The following FBXL17 variants were observed in gnomAD, a reference collection of about 807,000 sequenced individuals.
The protein encoded by FBXL17 is F-box/LRR-repeat protein 17.
In FBXL17, 22 loss-of-function variants were observed where a neutral mutation model predicts 66.2. The observed-to-expected ratio is 0.33, with a 90% CI of 0.24 to 0.47. The LOEUF (loss-of-function observed/expected upper bound fraction) is 0.47. FBXL17 is among the 20% of genes least tolerant of loss of function. The pLI is 1.00. For synonymous variants in FBXL17, 474 were observed against 400.5 expected, an observed-to-expected ratio of 1.18 and a Z score of -2.19; for missense variants, 878 against 948.2, an observed-to-expected ratio of 0.93 and a Z score of 0.97.
rs371855541 is a variant in FBXL17 at position 108,194,516 on chromosome 5, TACA to T, written c.1615-8272_1615-8270del. Among the ~76,000 whole-genome samples, 156 of 152,328 alleles carry T rather than the reference TACA, an allele frequency of 1.0e-3. 4 individuals are homozygous for T. The South Asian group carries it at 0.032, about 31-fold the overall frequency. On this transcript the variant is annotated intron_variant, in intron 5 of 8. Transcript: ENST00000542267. Reference sequence around the variant, plus strand: ...CCAGGTAACAATCTTTCCTTCCTGCTACAACTACTTAGGAATGCCCTCTTTGAC... The same window carrying T: ...CCAGGTAACAATCTTTCCTTCCTGCTACTACTTAGGAATGCCCTCTTTGAC...
intron 6 of FBXL17, among the ~76,000 whole-genome samples, chr5:108,168,176 AAAGTC>A (rs148859018): frequency 0.26 from 39,242 of 151,944 alleles, 6,021 homozygotes; most frequent in Middle Eastern, 0.37. Context: ...CTTAAAATAG[AAAGTC>A]AAAAGTTGTT....
chr5:108,313,241 G>C (rs968300973), intron 4 of FBXL17, among the ~76,000 whole-genome samples: 1 of 152,048 alleles, frequency 6.6e-6, no homozygotes, highest in Non-Finnish European at 1.5e-5. Flanking sequence ...TCTATTCAGA[G>C]AAGTACCAGT....
rs189741640 is a variant in FBXL17 at position 107,891,110 on chromosome 5, A to G, written c.1823-9931T>C. ...AAGTCTGCTAGGGAAGGCCTCACGAAGAAAGTGACATTTGACAAAAACCTG... is the reference window on the plus strand; with the variant it reads ...AAGTCTGCTAGGGAAGGCCTCACGAGGAAAGTGACATTTGACAAAAACCTG... On this transcript the variant is annotated intron_variant, in intron 7 of 8. Coordinates refer to ENST00000542267, the MANE Select transcript of FBXL17 (RefSeq NM_001163315.3). 5.9e-5 allele frequency among the ~76,000 whole-genome samples: 9 copies of G among 152,320 alleles called. No individual in the cohort carries two copies. In the East Asian group the frequency reaches 1.5e-3, roughly 26 times the overall value.
intron 6 of FBXL17, among the ~76,000 whole-genome samples, chr5:108,182,507 T>G (rs148494436): frequency 7.9e-5 from 12 of 152,322 alleles, no homozygotes; most frequent in African/African-American, 2.9e-4. Context: ...TAAGTGCAAG[T>G]AGTGTAATTA....
At chr5:108,295,392 CAT>C (rs1758304629) in intron 4 of FBXL17, among the ~76,000 whole-genome samples, 1 of 151,942 alleles carries the variant, frequency 6.6e-6, no homozygotes, top group South Asian at 2.1e-4. Flanking sequence ...ACTTAATCCT[CAT>C]AGTATTCTTA....
At chr5:108,197,090 T>C (rs908189506) in intron 5 of FBXL17, among the ~76,000 whole-genome samples, 3 of 150,910 alleles carry the variant, frequency 2.0e-5, no homozygotes, top group African/African-American at 7.2e-5. Context: ...TTGAGTTTTT[T>C]TCCTAGGACT....
chr5:108,079,824 G>C (rs1318151645), intron 6 of FBXL17, among the ~76,000 whole-genome samples: 3 of 152,148 alleles, frequency 2.0e-5, no homozygotes, highest in African/African-American at 4.8e-5. Context: ...CCCAGCAATT[G>C]CAATGGGCCT....
At chr5:108,055,292 A>ACAAAAAAAAAAC (rs1561388144) in intron 6 of FBXL17, among the ~76,000 whole-genome samples, 7 of 72,312 alleles carry the variant, frequency 9.7e-5, no homozygotes, top group African/African-American at 4.0e-4. Flanking sequence ...AAAAAAAAAA[A>ACAAAAAAAAAAC]AAAAAAAAAA....
At chr5:108,097,361 A>G (rs949567302) in intron 6 of FBXL17, among the ~76,000 whole-genome samples, 1 of 152,206 alleles carries the variant, frequency 6.6e-6, no homozygotes, top group Non-Finnish European at 1.5e-5. Flanking sequence ...GGACTAATAC[A>G]TATATATTAC....
chr5:107,987,568 GAC>G lies in FBXL17; in HGVS notation c.1822+33355_1822+33356del, dbSNP rs1214545741. 6.8e-4 allele frequency among the ~76,000 whole-genome samples: 103 copies of G among 152,124 alleles called. 1 individual carries two copies. The highest frequency in any genetic ancestry group is 6.7e-3 in the Admixed American group (102 of 15,258). ...GTAGCTCAAGACACACAACTAGTAA[GAC>G]AGTTTCAGTGGCCTGGCATGAGCCC... On this transcript the variant is annotated intron_variant, in intron 7 of 8. Coordinates refer to ENST00000542267, the MANE Select transcript of FBXL17 (RefSeq NM_001163315.3).
At chr5:108,366,786 C>T (rs1748696188) in intron 2 of FBXL17, among the ~76,000 whole-genome samples, 1 of 152,022 alleles carries the variant, frequency 6.6e-6, no homozygotes, top group Non-Finnish European at 1.5e-5. Flanking sequence ...TAGTTTTAAC[C>T]TCTTACCAAT....
In FBXL17 at chr5:108,013,400, C is replaced by A. The variant is rs533951036; in HGVS notation, c.1822+7525G>T. Among the ~76,000 whole-genome samples, 13 of 152,228 alleles carry A rather than the reference C, an allele frequency of 8.5e-5. No individual in the cohort carries two copies. The South Asian group carries it at 1.5e-3, about 17-fold the overall frequency. ...ATTTCTATTCTTTCTTCAGAATAAC[C>A]AACGCATACAAAAGCATCCATTCAG... On this transcript the variant is annotated intron_variant, in intron 7 of 8. Coordinates refer to ENST00000542267, the MANE Select transcript of FBXL17 (RefSeq NM_001163315.3).
chr5:107,992,958 C>T (rs1428879644), intron 7 of FBXL17, among the ~76,000 whole-genome samples: 3 of 151,824 alleles, frequency 2.0e-5, no homozygotes, highest in East Asian at 1.9e-4. Context: ...TGCAGTGGCG[C>T]GATCTCGGCT....
chr5:107,964,770 ACTCATAAT>A (rs1752054782), intron 7 of FBXL17, among the ~76,000 whole-genome samples: 1 of 152,086 alleles, frequency 6.6e-6, no homozygotes, highest in Non-Finnish European at 1.5e-5. Context: ...AGCTCTAAGA[ACTCATAAT>A]CTCTTCTTTT....
In FBXL17 at chr5:108,238,967, A is replaced by G. The variant is rs529485523; in HGVS notation, c.1507-14739T>C. On this transcript the variant is annotated intron_variant, in intron 4 of 8. Transcript: ENST00000542267. ...ACTGATATCATTTCAGTAGAGAGCT[A>G]TAACAAATATTACTTTTTAAATAAA... 4.6e-5 allele frequency among the ~76,000 whole-genome samples: 7 copies of G among 152,350 alleles called. No homozygotes were observed. The South Asian group carries it at 1.2e-3, about 27-fold the overall frequency.
intron 7 of FBXL17, among the ~76,000 whole-genome samples, chr5:107,964,396 G>A (rs983576742): frequency 1.2e-4 from 18 of 148,238 alleles, no homozygotes; most frequent in Middle Eastern, 7.1e-3. Flanking sequence ...TAAACATTAC[G>A]AAATTACTGA....
intron 6 of FBXL17, among the ~76,000 whole-genome samples, chr5:108,061,370 A>G (rs1361566018): frequency 6.6e-6 from 1 of 152,114 alleles, no homozygotes; most frequent in Non-Finnish European, 1.5e-5. Flanking sequence ...TTCTCTTAGT[A>G]CCAATGAGAT....
intron 8 of FBXL17, chr5:107,880,358 T>G: frequency 1.0e-6 from 1 of 985,464 alleles, no homozygotes; most frequent in Non-Finnish European, 1.2e-6. Context: ...GGATTACAGG[T>G]GTCAGTATAG....
rs544148227 is a variant in FBXL17 at position 107,973,110 on chromosome 5, C to T, written c.1822+47815G>A. On this transcript the variant is annotated intron_variant, in intron 7 of 8. Transcript: ENST00000542267. The stretch of plus-strand genomic sequence containing the variant: ...TTCTCTGGGTCTGCCCTCACCAGCT[C>T]ACTGAACTGGGGCTTCAGGAAATGG... 3.3e-5 allele frequency among the ~76,000 whole-genome samples: 5 copies of T among 152,260 alleles called. No individual in the cohort carries two copies. The South Asian group carries it at 6.2e-4, about 19-fold the overall frequency.
Sources: allele counts gnomAD v4.1 joint callset (sites outside exome capture counted in the v4.1 genomes callset), GRCh38; gene constraint gnomAD v4.1.1; transcripts MANE v1.5; gene names NCBI Gene and HGNC (gene_info 2026-07-23, HGNC 2026-07-21).